Variants in POU6F2 observed in about 807,000 individuals in gnomAD.
POU6F2 encodes POU class 6 homeobox 2.
A neutral mutation model predicts 71.3 loss-of-function variants in POU6F2; 31 were observed. The ratio of observed to expected loss-of-function variants is 0.43; its 90% confidence interval spans 0.33 to 0.59. The LOEUF (loss-of-function observed/expected upper bound fraction) is 0.59. Among genes scored for constraint, POU6F2 ranks in the 20% least tolerant of loss-of-function variants. The pLI is 0.04. For missense variants in POU6F2, 783 were observed against 856.8 expected (o/e 0.91, Z 1.07); for synonymous variants, 347 against 355.7 (o/e 0.98, Z 0.27).
At chr7:39,047,142 C>A (rs1390083321) in intron 1 of POU6F2, among the ~76,000 whole-genome samples, 1 of 151,918 alleles carries the variant, frequency 6.6e-6, no homozygotes, top group Non-Finnish European at 1.5e-5. Context: ...TAGTGCAAGT[C>A]TTCCAACTTT....
At chr7:39,285,579 A>G (rs1362939313) in intron 4 of POU6F2, among the ~76,000 whole-genome samples, 1 of 152,254 alleles carries the variant, frequency 6.6e-6, no homozygotes, top group East Asian at 1.9e-4. Context: ...TTGCATGGCA[A>G]TGATATGGAT....
chr7:39,440,254 C>CT lies in POU6F2; in HGVS notation c.1320+6972dup, dbSNP rs1188157227. On this transcript the variant is annotated intron_variant, in intron 7 of 9. Coordinates refer to ENST00000518318, the MANE Select transcript of POU6F2 (RefSeq NM_001370959.1). ...TTCTTGCTAGGTTGGGGAAGTTCTC[C>CT]TGGATGATATCCTGAAGTGTGTTTT... 5.9e-5 allele frequency among the ~76,000 whole-genome samples: 9 copies of CT among 152,280 alleles called. No homozygotes were observed. In the South Asian group the frequency reaches 1.7e-3, roughly 28 times the overall value.
At chr7:39,045,585 TG>T (rs1790277171) in intron 1 of POU6F2, among the ~76,000 whole-genome samples, 1 of 151,874 alleles carries the variant, frequency 6.6e-6, no homozygotes, top group Admixed American at 6.6e-5. Flanking sequence ...ATTTACATGC[TG>T]TACATTCACT....
At chr7:39,463,081 G>A (rs922835330) in intron 9 of POU6F2, among the ~76,000 whole-genome samples, 2 of 152,236 alleles carry the variant, frequency 1.3e-5, no homozygotes, top group Non-Finnish European at 2.9e-5. Context: ...GTAAAAGGGA[G>A]AGGAGAATTC....
intron 2 of POU6F2, among the ~76,000 whole-genome samples, chr7:39,086,865 C>A (rs558146430): frequency 4.5e-4 from 68 of 152,194 alleles, no homozygotes; most frequent in African/African-American, 1.5e-3. Flanking sequence ...TAATGGATGT[C>A]TCTGCTGGAG....
In POU6F2 at chr7:39,406,635, G is replaced by A. The variant is rs148254024; in HGVS notation, c.1008G>A (p.Ala336=). The A allele has an allele frequency of 3.3e-5, 53 of 1,613,054 alleles. No homozygotes were observed. The highest frequency in any genetic ancestry group is 2.5e-4 in the African/African-American group (19 of 74,818). ...ATCCACTAGCAAGTCAGGCTGCAGC[G>A]GCTGCAGCAGCCATGAGCTCCATAG... ...VNNPLASQAA[A]AAAAMSSIAS... The change falls in exon 6 of 10, where the codon GCG becomes GCA. Residue 336 remains alanine (A), a synonymous_variant. Transcript: ENST00000518318.
chr7:39,441,502 C>T (rs1788405140), intron 7 of POU6F2, among the ~76,000 whole-genome samples: 1 of 151,822 alleles, frequency 6.6e-6, no homozygotes, highest in African/African-American at 2.4e-5. Context: ...GACTAAGAGT[C>T]CCTCTTGGGA....
At position 39,423,337 on chromosome 7, in the gene POU6F2, C is replaced by T. The variant is rs981444448; in HGVS notation, c.1114-9740C>T. 1.9e-4 allele frequency among the ~76,000 whole-genome samples: 29 copies of T among 152,254 alleles called. No individual in the cohort carries two copies. The East Asian group carries it at 3.7e-3, about 19-fold the overall frequency. On this transcript the variant is annotated intron_variant, in intron 6 of 9. Transcript: ENST00000518318. ...TTAAGAGAGGATTTACAGAATACTC[C>T]TACTAATCCAAAAGAGAGTGTTTAC...
chr7:39,227,282 T>C (rs1337751382), intron 4 of POU6F2, among the ~76,000 whole-genome samples: 6 of 152,202 alleles, frequency 3.9e-5, no homozygotes, highest in Non-Finnish European at 8.8e-5. Context: ...CCTTTTTTTT[T>C]CCATCGAGTT....
chr7:39,192,000 G>A (rs1016723006), intron 2 of POU6F2, among the ~76,000 whole-genome samples: 3 of 152,242 alleles, frequency 2.0e-5, no homozygotes, highest in Admixed American at 6.5e-5. Context: ...CTTAATCTTC[G>A]TAGGAATGCA....
At chr7:39,431,126 G>A (rs1225598627) in intron 6 of POU6F2, among the ~76,000 whole-genome samples, 3 of 152,112 alleles carry the variant, frequency 2.0e-5, no homozygotes, top group East Asian at 1.9e-4. Flanking sequence ...CTGATGCTGC[G>A]GGCCAGGCAT....
At chr7:39,207,029 A>T (rs1794026580) in intron 3 of POU6F2, among the ~76,000 whole-genome samples, 3 of 152,186 alleles carry the variant, frequency 2.0e-5, no homozygotes. Flanking sequence ...AAAAAATCCC[A>T]CTGATCCCAA....
At chr7:39,337,914 C>A (rs887562435) in intron 4 of POU6F2, among the ~76,000 whole-genome samples, 83 of 152,226 alleles carry the variant, frequency 5.5e-4, no homozygotes, top group African/African-American at 2.0e-3. Flanking sequence ...TATTTGGGAC[C>A]AAGGCTCATT....
At chr7:39,015,886 ATATAT>A (rs1789501510) in intron 1 of POU6F2, among the ~76,000 whole-genome samples, 3 of 86,980 alleles carry the variant, frequency 3.4e-5, no homozygotes, top group Non-Finnish European at 6.0e-5. Context: ...GATATATATT[ATATAT>A]TATATATAGA....
At chr7:39,025,465 C>A (rs1057366245) in intron 1 of POU6F2, among the ~76,000 whole-genome samples, 7 of 152,116 alleles carry the variant, frequency 4.6e-5, no homozygotes, top group Non-Finnish European at 1.0e-4. Context: ...ACTATCTGTT[C>A]TTTGACAAAC....
chr7:39,264,604 G>A (rs566043671), intron 4 of POU6F2, among the ~76,000 whole-genome samples: 7 of 152,094 alleles, frequency 4.6e-5, no homozygotes, highest in Non-Finnish European at 8.8e-5. Flanking sequence ...TTATTTACCC[G>A]TCTGGCTCCC....
intron 2 of POU6F2, among the ~76,000 whole-genome samples, chr7:39,142,841 CA>C (rs1229613217): frequency 6.6e-6 from 1 of 152,108 alleles, no homozygotes; most frequent in Admixed American, 6.6e-5. Flanking sequence ...TGTAATCTTC[CA>C]CATGTCATAT....
At chr7:39,396,595 G>A (rs1787179001) in intron 5 of POU6F2, among the ~76,000 whole-genome samples, 1 of 152,174 alleles carries the variant, frequency 6.6e-6, no homozygotes, top group Admixed American at 6.5e-5. Flanking sequence ...CATCTGAGTA[G>A]AGCCTCACTT....
intron 4 of POU6F2, among the ~76,000 whole-genome samples, chr7:39,266,861 C>T (rs1235423328): frequency 6.6e-6 from 1 of 152,010 alleles, no homozygotes; most frequent in African/African-American, 2.4e-5. Context: ...TATTCAAAAG[C>T]CTGTCTTCTA....
Sources: allele counts gnomAD v4.1 joint callset (sites outside exome capture counted in the v4.1 genomes callset), GRCh38; gene constraint gnomAD v4.1.1; transcripts MANE v1.5; gene names NCBI Gene and HGNC (gene_info 2026-07-23, HGNC 2026-07-21).